Variants in FBXL17 observed in about 807,000 individuals in gnomAD.
FBXL17 encodes F-box/LRR-repeat protein 17.
FBXL17 carries 22 observed loss-of-function variants against 66.2 expected under a neutral mutation model. That is an observed-to-expected ratio of 0.33 (90% CI 0.24 to 0.47). The LOEUF is 0.47. FBXL17 is among the 20% of genes least tolerant of loss of function. FBXL17 has a pLI of 1.00. For synonymous variants in FBXL17, 474 were observed against 400.5 expected (o/e 1.18, Z -2.19); for missense variants, 878 against 948.2 (o/e 0.93, Z 0.97).
chr5:108,085,798 G>A (rs1469911666), intron 6 of FBXL17, among the ~76,000 whole-genome samples: 1 of 152,150 alleles, frequency 6.6e-6, no homozygotes, highest in Non-Finnish European at 1.5e-5. Flanking sequence ...TTAGCTGGAT[G>A]TAGTGGCATG....
intron 7 of FBXL17, among the ~76,000 whole-genome samples, chr5:107,941,591 G>C (rs916604647): frequency 6.6e-6 from 1 of 152,142 alleles, no homozygotes; most frequent in African/African-American, 2.4e-5. Context: ...GCTTGGGAAC[G>C]TTAAATAGGT....
At chr5:108,340,109 C>A (rs1468193654) in intron 4 of FBXL17, among the ~76,000 whole-genome samples, 1 of 150,848 alleles carries the variant, frequency 6.6e-6, no homozygotes, top group Admixed American at 6.6e-5. Flanking sequence ...CACTTATGTT[C>A]CTGCCAAGCT....
chr5:107,962,685 T>A (rs1751967963), intron 7 of FBXL17, among the ~76,000 whole-genome samples: 1 of 152,090 alleles, frequency 6.6e-6, no homozygotes, highest in South Asian at 2.1e-4. Context: ...AAAGTTTTTT[T>A]TTTTTAATGA....
intron 6 of FBXL17, among the ~76,000 whole-genome samples, chr5:108,158,893 GTCTTTTTGGTTTTACATTTTC>G (rs1476275270): frequency 6.6e-6 from 1 of 152,052 alleles, no homozygotes; most frequent in East Asian, 1.9e-4. Context: ...AGCTTGATGA[GTCTTTTTGGTTTTACATTTTC>G]TCTGTGGTGT....
intron 7 of FBXL17, among the ~76,000 whole-genome samples, chr5:107,948,070 T>C (rs1751372305): frequency 2.0e-5 from 3 of 152,034 alleles, no homozygotes; most frequent in African/African-American, 7.2e-5. Flanking sequence ...CATTTTCTTT[T>C]AGAGAGAAAC....
chr5:108,342,037 G>T (rs560979285), intron 4 of FBXL17, among the ~76,000 whole-genome samples: 22 of 152,120 alleles, frequency 1.4e-4, no homozygotes, highest in Non-Finnish European at 2.9e-4. Context: ...CTCTTTGGCA[G>T]TATAACTCTT....
chr5:108,221,539 G>C (rs965397773), intron 5 of FBXL17, among the ~76,000 whole-genome samples: 2 of 152,134 alleles, frequency 1.3e-5, no homozygotes, highest in Non-Finnish European at 2.9e-5. Context: ...AGCAAACTTA[G>C]AAAGCCAGGG....
At chr5:108,091,685 T>A (rs1749193402) in intron 6 of FBXL17, among the ~76,000 whole-genome samples, 1 of 152,160 alleles carries the variant, frequency 6.6e-6, no homozygotes, top group South Asian at 2.1e-4. Context: ...ACACAGCACA[T>A]ACCCTCTACA....
At chr5:108,230,583 G>T (rs971172383) in intron 4 of FBXL17, among the ~76,000 whole-genome samples, 1 of 152,124 alleles carries the variant, frequency 6.6e-6, no homozygotes, top group Non-Finnish European at 1.5e-5. Flanking sequence ...AGGGTAGGAG[G>T]GGGGTAAGGG....
Position 107,997,048 on chromosome 5 carries a change from C to G in FBXL17, c.1822+23877G>C, listed in dbSNP as rs1177730276. Among the ~76,000 whole-genome samples the G allele has an allele frequency of 5.3e-5, 8 of 152,256 alleles. No homozygotes were observed. The East Asian group carries it at 1.5e-3, about 29-fold the overall frequency. The stretch of plus-strand genomic sequence containing the variant: ...CAGGGCTGAGACTGGAAACTGTCTC[C>G]TGGTCCCTTTGCACCATGCCCCACT... On this transcript the variant is annotated intron_variant, in intron 7 of 8. Transcript: ENST00000542267.
At chr5:108,301,546 A>G (rs1324679274) in intron 4 of FBXL17, among the ~76,000 whole-genome samples, 1 of 151,864 alleles carries the variant, frequency 6.6e-6, no homozygotes, top group African/African-American at 2.4e-5. Context: ...GAATGCAACA[A>G]AAATGAACTG....
intron 7 of FBXL17, among the ~76,000 whole-genome samples, chr5:107,965,747 A>G (rs1263391145): frequency 6.6e-6 from 1 of 152,180 alleles, no homozygotes; most frequent in East Asian, 1.9e-4. Flanking sequence ...AATGTTAGAC[A>G]CTCTGAATTA....
chr5:108,142,073 A>G (rs2149987072), intron 6 of FBXL17, among the ~76,000 whole-genome samples: 1 of 152,340 alleles, frequency 6.6e-6, no homozygotes. Context: ...AATCCCTGGC[A>G]CTTAAAAGCA....
intron 4 of FBXL17, among the ~76,000 whole-genome samples, chr5:108,320,533 C>T (rs1296643275): frequency 6.6e-6 from 1 of 151,738 alleles, no homozygotes; most frequent in Non-Finnish European, 1.5e-5. Flanking sequence ...TTTTACAAGT[C>T]TATTTAACAT....
chr5:108,172,881 A>G (rs1580553131), intron 6 of FBXL17, among the ~76,000 whole-genome samples: 1 of 151,956 alleles, frequency 6.6e-6, no homozygotes, highest in African/African-American at 2.4e-5. Context: ...GCTCACTGCA[A>G]CCTCCACCTC....
At chr5:107,878,788 C>G in intron 8 of FBXL17, 3 of 985,482 alleles carry the variant, frequency 3.0e-6, no homozygotes, top group Non-Finnish European at 3.6e-6. Flanking sequence ...TCCATCCTCA[C>G]AGAGCCTCTC....
intron 4 of FBXL17, among the ~76,000 whole-genome samples, chr5:108,340,720 A>T (rs1335910484): frequency 6.6e-6 from 1 of 152,216 alleles, no homozygotes; most frequent in Non-Finnish European, 1.5e-5. Flanking sequence ...TTAATAAAAT[A>T]TGTCACCAAA....
chr5:108,038,295 C>G (rs538521311), intron 6 of FBXL17, among the ~76,000 whole-genome samples: 7 of 151,912 alleles, frequency 4.6e-5, no homozygotes, highest in African/African-American at 1.7e-4. Context: ...AATAACAGGA[C>G]TGTATGTGTA....
intron 6 of FBXL17, among the ~76,000 whole-genome samples, chr5:108,120,092 C>A (rs1462864075): frequency 3.3e-5 from 5 of 152,220 alleles, no homozygotes; most frequent in African/African-American, 1.2e-4. Context: ...TGAAACGAAA[C>A]TGGCTTGAGA....
Sources: gnomAD v4.1 joint callset for allele counts (sites outside exome capture counted in the v4.1 genomes callset) on GRCh38, gnomAD v4.1.1 for gene constraint, MANE v1.5 for transcripts, NCBI Gene and HGNC (gene_info 2026-07-23, HGNC 2026-07-21) for gene names.